The following TJP1 variants were observed in gnomAD, a reference collection of about 807,000 sequenced individuals.
The protein encoded by TJP1 is tight junction protein 1, also known as tight junction protein ZO-1.
Under a neutral mutation model 194.2 loss-of-function variants are expected in TJP1, and 43 were observed. That is an observed-to-expected ratio of 0.22 (90% CI 0.17 to 0.29). The LOEUF (loss-of-function observed/expected upper bound fraction) is 0.29. Among genes scored for constraint, TJP1 ranks in the 10% least tolerant of loss-of-function variants. The probability of loss-of-function intolerance (pLI) is 1.00; values close to 1 mark genes in which losing one functional copy is unlikely to be tolerated. For missense variants in TJP1, 1,971 were observed against 2,185.7 expected, an observed-to-expected ratio of 0.90 and a Z score of 1.96; for synonymous variants, 801 against 779.0, an observed-to-expected ratio of 1.03 and a Z score of -0.47.
At chr15:29,949,016 C>T (rs2152296035) in intron 2 of TJP1, among the ~76,000 whole-genome samples, 1 of 148,516 alleles carries the variant, frequency 6.7e-6, no homozygotes, top group South Asian at 2.2e-4. Flanking sequence ...TCCACCACTT[C>T]TACCCTCACA....
chr15:29,704,023 A>G (rs970818160), intron 27 of TJP1, 139 bp downstream of exon 27: 2 of 826,450 alleles, frequency 2.4e-6, no homozygotes, highest in South Asian at 4.8e-5. Flanking sequence ...AATAAATGTG[A>G]AAACACTGGT....
intron 2 of TJP1, among the ~76,000 whole-genome samples, chr15:29,949,712 A>ACTT (rs2055558365): frequency 3.0e-5 from 3 of 100,124 alleles, no homozygotes; most frequent in Non-Finnish European, 4.0e-5. Flanking sequence ...CACCACCTCC[A>ACTT]TCACCTCCAC....
intron 1 of TJP1, among the ~76,000 whole-genome samples, chr15:29,961,951 G>C (rs981497515): frequency 6.6e-6 from 1 of 152,260 alleles, no homozygotes; most frequent in African/African-American, 2.4e-5. Context: ...TTCCTTGAAT[G>C]TATCTTCCCT....
chr15:29,829,637 GAA>G lies in TJP1; in HGVS notation c.307-28937_307-28936del, dbSNP rs5811584. Among the ~76,000 whole-genome samples the G allele has an allele frequency of 9.9e-3, 1,372 of 138,070 alleles. 21 individuals carry two copies. The highest frequency in any genetic ancestry group is 0.08 in the East Asian group (386 of 4,824). 90.6% of individuals were successfully genotyped at this position (138,070 alleles called of 152,430 possible). A position where few individuals can be genotyped will look rare whatever the true frequency, so the allele number is the denominator to read the frequency against. ...GCCAAATTCATTGCCTTAAAAAAAA[GAA>G]AAAAAAAAAAAAAGATTTCTTAAAA... On this transcript the variant is annotated intron_variant, in intron 2 of 28. Transcript: ENST00000356107.
rs1048379661 is a variant in TJP1, at chr15:29,968,529, C to T, written c.173+138G>A. On this transcript the variant is annotated intron_variant, in intron 1 of 28. Transcript: ENST00000356107. ...GCTGCTGCGCCCCGCGCGGCGCGCC[C>T]CGCGTCCCGTCGGGCCCGACAGTCG... 4.5e-5 allele frequency: 37 copies of T among 818,196 alleles called. No individual in the cohort carries two copies. In the Admixed American group the frequency reaches 2.0e-3, roughly 43 times the overall value. The allele number at this position is 818,196 out of a possible 1,614,324, so 50.7% of individuals were successfully genotyped here.
intron 25 of TJP1, among the ~76,000 whole-genome samples, chr15:29,707,514 G>A (rs2151011925): frequency 6.6e-6 from 1 of 152,266 alleles, no homozygotes. Context: ...CCTTTCTCTT[G>A]GAAAGCAGAC....
intron 15 of TJP1, chr15:29,732,230 T>G (rs1428740599): frequency 1.7e-5 from 10 of 576,818 alleles, no homozygotes; most frequent in Non-Finnish European, 2.7e-5. Context: ...AAGAGTTTCC[T>G]AAACGGTGAC....
intron 2 of TJP1, among the ~76,000 whole-genome samples, chr15:29,795,747 CAAG>C (rs1299598869): frequency 1.3e-5 from 2 of 151,964 alleles, no homozygotes; most frequent in Non-Finnish European, 2.9e-5. Context: ...ACCAATAAAA[CAAG>C]AATCTTCACA....
chr15:29,929,048 T>C (rs571679714), intron 2 of TJP1, among the ~76,000 whole-genome samples: 1 of 152,206 alleles, frequency 6.6e-6, no homozygotes, highest in Admixed American at 6.6e-5. Flanking sequence ...AGGAAATATG[T>C]AGATCCAACT....
chr15:29,732,315 A>G, intron 15 of TJP1, 118 bp downstream of exon 15: 2 of 862,798 alleles, frequency 2.3e-6, no homozygotes, highest in Non-Finnish European at 3.6e-6. Flanking sequence ...AGAATGGGAT[A>G]AACTGCTAAT....
intron 2 of TJP1, among the ~76,000 whole-genome samples, chr15:29,790,125 C>T (rs878884671): frequency 2.0e-5 from 3 of 152,190 alleles, no homozygotes; most frequent in African/African-American, 7.2e-5. Context: ...TTCTACAATA[C>T]GGCTGCAGGG....
intron 1 of TJP1, chr15:29,968,443 C>T (rs2056406333): frequency 2.0e-6 from 2 of 979,328 alleles, no homozygotes; most frequent in Admixed American, 1.2e-4. Flanking sequence ...GCGAGGGTCT[C>T]GGCGAAACCA....
intron 2 of TJP1, among the ~76,000 whole-genome samples, chr15:29,904,553 T>C (rs2053743351): frequency 6.7e-6 from 1 of 149,648 alleles, no homozygotes; most frequent in Admixed American, 6.6e-5. Flanking sequence ...AAACAAATAA[T>C]TTACCAAAAA....
intron 2 of TJP1, among the ~76,000 whole-genome samples, chr15:29,861,280 C>T (rs891127150): frequency 1.5e-4 from 23 of 152,126 alleles, no homozygotes; most frequent in African/African-American, 4.3e-4. Flanking sequence ...CATGAGGGTC[C>T]CAATTTCTCT....
At chr15:29,713,077 A>C (rs2151063988) in intron 23 of TJP1, among the ~76,000 whole-genome samples, 1 of 152,312 alleles carries the variant, frequency 6.6e-6, no homozygotes, top group Non-Finnish European at 1.5e-5. Flanking sequence ...TCATCTAATG[A>C]TGTCTCACAA....
At chr15:29,939,634 T>C (rs912911000) in intron 2 of TJP1, among the ~76,000 whole-genome samples, 4 of 152,212 alleles carry the variant, frequency 2.6e-5, no homozygotes, top group African/African-American at 9.7e-5. Flanking sequence ...GGTCAGAATG[T>C]CTGCATCCTC....
In TJP1 at chr15:29,752,354, T is replaced by C. The variant is rs948653788; in HGVS notation, c.1010+8785A>G. Among the ~76,000 whole-genome samples the C allele has an allele frequency of 5.3e-5, 8 of 152,306 alleles. 1 individual carries two copies. The South Asian group carries it at 1.7e-3, about 32-fold the overall frequency. On this transcript the variant is annotated intron_variant, in intron 8 of 27. Transcript: ENST00000614355. ...CTGACCTCAAGTGATCTTGCCCACC[T>C]TGGCCTCCCAAAGTGCTGAGATTAC...
chr15:29,887,752 C>A (rs1333215867), intron 2 of TJP1, among the ~76,000 whole-genome samples: 1 of 152,134 alleles, frequency 6.6e-6, no homozygotes, highest in African/African-American at 2.4e-5. Flanking sequence ...TAAATGCAAA[C>A]ACCAAATTGG....
chr15:29,966,228 C>T (rs889581537), intron 1 of TJP1, among the ~76,000 whole-genome samples: 3 of 152,130 alleles, frequency 2.0e-5, no homozygotes, highest in African/African-American at 2.4e-5. Context: ...CTGGCCCGCG[C>T]GCAGTGGCTC....
Sources: gnomAD v4.1 joint callset for allele counts (sites outside exome capture counted in the v4.1 genomes callset) on GRCh38, gnomAD v4.1.1 for gene constraint, MANE v1.5 for transcripts, NCBI Gene and HGNC (gene_info 2026-07-23, HGNC 2026-07-21) for gene names.